GPCPD1: variants seen among roughly 807,000 people sequenced by gnomAD.
GPCPD1 encodes the protein glycerophosphocholine phosphodiesterase GPCPD1.
A neutral mutation model predicts 89.2 loss-of-function variants in GPCPD1; 29 were observed. The observed-to-expected ratio is 0.33, with a 90% CI of 0.24 to 0.44. GPCPD1 has a LOEUF of 0.44. Among genes scored for constraint, GPCPD1 ranks in the 20% least tolerant of loss-of-function variants. The pLI, the probability that GPCPD1 is intolerant of heterozygous loss-of-function variation, is 1.00. For missense variants in GPCPD1, 594 were observed against 808.9 expected (o/e 0.73, Z 3.22); for synonymous variants, 258 against 266.3 (o/e 0.97, Z 0.30).
chr20:5,575,565 G>C lies in GPCPD1; in HGVS notation c.869-20C>G. ...AGTCAACTTTCATAGGAAAAAAGAG[G>C]GAGGAACAAAAATAAAAATGATTAA... On this transcript the variant is annotated intron_variant, in intron 9 of 19. Transcript: ENST00000379019. 6.6e-7 allele frequency: 1 copy of C among 1,506,826 alleles called. No homozygotes were observed. Among genetic ancestry groups the C allele is most frequent in the Non-Finnish European group, 9.1e-7 (1 of 1,094,494 alleles). 93.3% of individuals were successfully genotyped at this position (1,506,826 alleles called of 1,614,324 possible).
chr20:5,556,103 T>G (rs1213592733), intron 19 of GPCPD1, among the ~76,000 whole-genome samples: 3 of 152,160 alleles, frequency 2.0e-5, no homozygotes, highest in Non-Finnish European at 1.5e-5. Flanking sequence ...TTGCTGAAGG[T>G]AGATTGTTAG....
chr20:5,582,058 C>T (rs1189336559), intron 6 of GPCPD1, among the ~76,000 whole-genome samples: 4 of 147,466 alleles, frequency 2.7e-5, no homozygotes, highest in East Asian at 2.0e-4. Context: ...TGGTAGCGGG[C>T]GCCTGTAGTC....
intron 11 of GPCPD1, among the ~76,000 whole-genome samples, chr20:5,572,996 C>G (rs1196787720): frequency 6.6e-6 from 1 of 152,086 alleles, no homozygotes; most frequent in South Asian, 2.1e-4. Flanking sequence ...CTCAGACTCC[C>G]AAGTAGGTGG....
At position 5,545,602 on chromosome 20, in the gene GPCPD1, G is replaced by A. The variant is rs1984993065; in HGVS notation, c.*2059C>T. 1 of 152,374 alleles carries A rather than the reference G, an allele frequency of 6.6e-6. No individual in the cohort carries two copies. Among genetic ancestry groups the A allele is most frequent in the South Asian group, 2.1e-4 (1 of 4,822 alleles). The allele number at this position is 152,374 out of a possible 1,614,324, so 9.4% of individuals were successfully genotyped here. On this transcript the variant is annotated 3_prime_UTR_variant, in exon 20 of 20. Transcript: ENST00000379019. ...GTCCAGGGCCAATGACAGGGACAGGGTGGCTGAAGCAGGGTGTAAAAGGCA... is the reference window on the plus strand; with the variant it reads ...GTCCAGGGCCAATGACAGGGACAGGATGGCTGAAGCAGGGTGTAAAAGGCA...
chr20:5,572,898 G>A (rs1052556585), intron 11 of GPCPD1, among the ~76,000 whole-genome samples: 1 of 151,928 alleles, frequency 6.6e-6, no homozygotes, highest in South Asian at 2.1e-4. Context: ...AAGAGATAGA[G>A]TCCAATTCTG....
intron 7 of GPCPD1, among the ~76,000 whole-genome samples, 158 bp downstream of exon 7, chr20:5,579,850 G>C (rs1978337012): frequency 6.6e-6 from 1 of 152,214 alleles, no homozygotes; most frequent in African/African-American, 2.4e-5. Flanking sequence ...GTAGCAATCT[G>C]AGCGGGGATA....
intron 11 of GPCPD1, among the ~76,000 whole-genome samples, chr20:5,570,440 A>C (rs910835981): frequency 6.6e-6 from 1 of 151,564 alleles, no homozygotes; most frequent in Non-Finnish European, 1.5e-5. Context: ...AAAAAAAAAA[A>C]AAAAAAACGG....
At chr20:5,584,192 T>A in intron 6 of GPCPD1, 89 bp downstream of exon 6, 1 of 698,898 alleles carries the variant, frequency 1.4e-6, no homozygotes, top group Non-Finnish European at 2.6e-6. Context: ...CTGTATGTTC[T>A]ATTTTCCTGT....
At chr20:5,562,670 C>A (rs1455436683) in intron 15 of GPCPD1, among the ~76,000 whole-genome samples, 5 of 152,182 alleles carry the variant, frequency 3.3e-5, no homozygotes, top group African/African-American at 1.2e-4. Context: ...TAAATGCATA[C>A]AAACAGAATA....
In GPCPD1 at chr20:5,549,258, G is replaced by A. The variant is rs546547844; in HGVS notation, c.1830-1408C>T. 22 of 815,782 alleles carry A rather than the reference G, an allele frequency of 2.7e-5. No individual in the cohort carries two copies. In the East Asian group the frequency reaches 6.3e-4, roughly 23 times the overall value. 50.5% of individuals were successfully genotyped at this position (815,782 alleles called of 1,614,324 possible). ...GTGTCTTATTGGAGAATCTTTTGATGACTCAGTGATGATATATGTGCAGCT... is the reference window on the plus strand; with the variant it reads ...GTGTCTTATTGGAGAATCTTTTGATAACTCAGTGATGATATATGTGCAGCT... On this transcript the variant is annotated intron_variant, in intron 19 of 19. Transcript: ENST00000379019.
chr20:5,549,303 A>C lies in GPCPD1; in HGVS notation c.1830-1453T>G. 3 of 976,842 alleles carry C rather than the reference A, an allele frequency of 3.1e-6. No homozygotes were observed. The East Asian group carries it at 8.1e-5, about 26-fold the overall frequency. 60.5% of individuals were successfully genotyped at this position (976,842 alleles called of 1,614,324 possible). On this transcript the variant is annotated intron_variant, in intron 19 of 19. Transcript: ENST00000379019. Reference sequence around the variant, plus strand: ...GCAGCTGTTCTTAATGTTAGAGCTAAAGGTGATAAGATAGCAGTATGGACT... The same window carrying C: ...GCAGCTGTTCTTAATGTTAGAGCTACAGGTGATAAGATAGCAGTATGGACT...
chr20:5,554,791 C>G (rs1985655316), intron 19 of GPCPD1, among the ~76,000 whole-genome samples: 2 of 152,232 alleles, frequency 1.3e-5, no homozygotes, highest in African/African-American at 4.8e-5. Flanking sequence ...CTGCCACAGA[C>G]AGTGATTCCT....
intron 6 of GPCPD1, among the ~76,000 whole-genome samples, chr20:5,582,058 C>A (rs1189336559): frequency 1.4e-5 from 2 of 147,466 alleles, no homozygotes; most frequent in African/African-American, 5.0e-5. Flanking sequence ...TGGTAGCGGG[C>A]GCCTGTAGTC....
At chr20:5,561,201 C>A (rs556959428) in intron 16 of GPCPD1, among the ~76,000 whole-genome samples, 1 of 152,292 alleles carries the variant, frequency 6.6e-6, no homozygotes, top group Non-Finnish European at 1.5e-5. Flanking sequence ...TTATAAGTAT[C>A]TCCCCAAAAC....
rs1196641604 is a variant in GPCPD1 at position 5,591,104 on chromosome 20, C to CA, written c.231+2222dup. Among the ~76,000 whole-genome samples, 10 of 152,200 alleles carry CA rather than the reference C, an allele frequency of 6.6e-5. No homozygotes were observed. The East Asian group carries it at 1.9e-3, about 29-fold the overall frequency. On this transcript the variant is annotated intron_variant, in intron 4 of 19. Coordinates refer to ENST00000379019, the MANE Select transcript of GPCPD1 (RefSeq NM_019593.5). ...CAGTGGACTACCTGCAGATTCATAC[C>CA]AATGTTTTCATTCCAGGAATACTCA...
At chr20:5,578,722 G>A (rs191032285) in intron 7 of GPCPD1, 111 bp from the exon 8 acceptor site, 314 of 658,884 alleles carry the variant, frequency 4.8e-4, no homozygotes, top group Admixed American at 7.1e-4. Context: ...CTAAATCTTC[G>A]AATAACAAAA....
In GPCPD1 at chr20:5,568,221, ATATACT is replaced by A. The variant is rs980320494; in HGVS notation, c.1150-667_1150-662del. Among the ~76,000 whole-genome samples the A allele has an allele frequency of 7.1e-4, 90 of 126,240 alleles. 2 individuals are homozygous for A. Among genetic ancestry groups the A allele is most frequent in the African/African-American group, 3.2e-3 (85 of 26,646 alleles). The allele number at this position is 126,240 out of a possible 152,430, so 82.8% of individuals were successfully genotyped here. On this transcript the variant is annotated intron_variant, in intron 12 of 19. Transcript: ENST00000379019. The stretch of plus-strand genomic sequence containing the variant: ...CACCAATAAATCATCTGTCCAACAA[ATATACT>A]TAGTATATATATATATATACTTAGT...
At chr20:5,595,809 G>A (rs534003462) in intron 3 of GPCPD1, among the ~76,000 whole-genome samples, 2 of 151,862 alleles carry the variant, frequency 1.3e-5, no homozygotes, top group East Asian at 3.9e-4. Flanking sequence ...GAAAAAAAGG[G>A]GGGGGGACAA....
chr20:5,552,410 C>T (rs1985470196), intron 19 of GPCPD1, among the ~76,000 whole-genome samples: 1 of 152,188 alleles, frequency 6.6e-6, no homozygotes, highest in Non-Finnish European at 1.5e-5. Flanking sequence ...TCTTGAGCAC[C>T]TGTTATATCA....
Sources: gnomAD v4.1 joint callset for allele counts (sites outside exome capture counted in the v4.1 genomes callset) on GRCh38, gnomAD v4.1.1 for gene constraint, MANE v1.5 for transcripts, NCBI Gene and HGNC (gene_info 2026-07-23, HGNC 2026-07-21) for gene names.